VRK2: variants seen among roughly 807,000 people sequenced by gnomAD.
The protein encoded by VRK2 is VRK serine/threonine kinase 2.
A neutral mutation model predicts 57.6 loss-of-function variants in VRK2; 60 were observed. The observed-to-expected ratio is 1.04, with a 90% CI of 0.85 to 1.29. VRK2 has a LOEUF of 1.29. VRK2 is among the 50% of genes most tolerant of loss of function. The pLI is 0.00. For missense variants in VRK2, 705 were observed against 588.1 expected (o/e 1.20, Z -2.06); for synonymous variants, 231 against 199.2 (o/e 1.16, Z -1.35).
chr2:57,996,338 C>T (rs1165958154), intron 1 of VRK2, among the ~76,000 whole-genome samples: 5 of 152,194 alleles, frequency 3.3e-5, no homozygotes, highest in African/African-American at 4.8e-5. Context: ...AGACCATATT[C>T]TGAAAACTGA....
At chr2:57,935,400 T>C (rs1442191789) in intron 1 of VRK2, among the ~76,000 whole-genome samples, 1 of 152,190 alleles carries the variant, frequency 6.6e-6, no homozygotes, top group African/African-American at 2.4e-5. Context: ...AGCTTCCCAT[T>C]TGTTTTCTCT....
At chr2:58,002,101 G>A (rs138931678) in intron 1 of VRK2, among the ~76,000 whole-genome samples, 73 of 152,274 alleles carry the variant, frequency 4.8e-4, no homozygotes, top group African/African-American at 1.7e-3. Context: ...TAATGAATGA[G>A]TGCTGTGAAA....
At chr2:58,087,846 GT>G (rs1374639043) in intron 5 of VRK2, among the ~76,000 whole-genome samples, 3 of 152,128 alleles carry the variant, frequency 2.0e-5, no homozygotes, top group Non-Finnish European at 4.4e-5. Flanking sequence ...AATTAGCTGG[GT>G]GTGGTGGTGC....
intron 11 of VRK2, among the ~76,000 whole-genome samples, chr2:58,145,369 A>G (rs1191389976): frequency 6.7e-6 from 1 of 149,302 alleles, no homozygotes; most frequent in African/African-American, 2.4e-5. Flanking sequence ...CTACCTGCAC[A>G]AAAATGTAAG....
chr2:57,944,959 G>T (rs913639533), intron 1 of VRK2, among the ~76,000 whole-genome samples: 1 of 152,132 alleles, frequency 6.6e-6, no homozygotes, highest in Non-Finnish European at 1.5e-5. Flanking sequence ...AAAGAATCTT[G>T]TGAATTAGAC....
chr2:58,052,315 A>G (rs1198021193), intron 2 of VRK2, among the ~76,000 whole-genome samples: 1 of 152,312 alleles, frequency 6.6e-6, no homozygotes, highest in East Asian at 1.9e-4. Flanking sequence ...CATTCTTAAT[A>G]CTGGTGCCAT....
At chr2:57,924,264 C>A (rs1416895863) in intron 1 of VRK2, among the ~76,000 whole-genome samples, 1 of 151,930 alleles carries the variant, frequency 6.6e-6, no homozygotes, top group African/African-American at 2.4e-5. Flanking sequence ...TGAAGAAAGT[C>A]ATCGGTATTT....
intron 7 of VRK2, among the ~76,000 whole-genome samples, chr2:58,118,440 A>G (rs1312734276): frequency 1.3e-5 from 2 of 152,228 alleles, no homozygotes; most frequent in Non-Finnish European, 2.9e-5. Context: ...AAATGAAAGG[A>G]ATTGAAATTA....
In VRK2 at chr2:58,139,829, A is replaced by G. The variant is rs1370822968; in HGVS notation, c.1020A>G (p.Gln340=). ...TAAATGTCCATACTCCAAACAGTCA[A>G]AAAGTAAGTAACATAATCCCTGCTA... is the stretch of plus-strand genomic sequence containing the variant. ...QSINVHTPNS[Q]KVDSQKAATK... is the part of the protein sequence containing the mutation. Residue 340 remains glutamine (Q), a synonymous_variant, in exon 11 of 13, where the codon CAA becomes CAG. Coordinates refer to ENST00000340157, the MANE Select transcript of VRK2 (RefSeq NM_006296.7). 1.9e-6 allele frequency: 3 copies of G among 1,609,410 alleles called. No homozygotes were observed. The highest frequency in any genetic ancestry group is 2.5e-6 in the Non-Finnish European group (3 of 1,177,734).
At chr2:57,981,992 T>C (rs1460222985) in intron 1 of VRK2, among the ~76,000 whole-genome samples, 1 of 152,212 alleles carries the variant, frequency 6.6e-6, no homozygotes, top group Non-Finnish European at 1.5e-5. Flanking sequence ...CTTGCACTGG[T>C]TCCGTCTCAT....
chr2:57,960,635 A>G (rs1452233460), intron 1 of VRK2, among the ~76,000 whole-genome samples: 1 of 152,224 alleles, frequency 6.6e-6, no homozygotes, highest in Admixed American at 6.5e-5. Context: ...AGGTTCCAGA[A>G]CAGTGAACTC....
intron 1 of VRK2, among the ~76,000 whole-genome samples, chr2:57,964,902 A>AAC (rs1553368378): frequency 6.7e-6 from 1 of 149,716 alleles, no homozygotes; most frequent in East Asian, 1.9e-4. Context: ...AAAAAAAAAA[A>AAC]AAAAAACTGT....
chr2:57,956,533 CT>C (rs765602403), intron 1 of VRK2, among the ~76,000 whole-genome samples: 11 of 152,290 alleles, frequency 7.2e-5, no homozygotes, highest in South Asian at 2.1e-4. Context: ...AATTCTCTTA[CT>C]TTTTCTAGGT....
chr2:58,029,090 C>T (rs1006947944), intron 2 of VRK2, among the ~76,000 whole-genome samples: 1 of 151,438 alleles, frequency 6.6e-6, no homozygotes, highest in African/African-American at 2.4e-5. Flanking sequence ...AGAGGTCTAA[C>T]TGCAGTTCAG....
chr2:58,082,665 TC>T (rs1558611298), intron 2 of VRK2, among the ~76,000 whole-genome samples: 2 of 151,898 alleles, frequency 1.3e-5, no homozygotes, highest in South Asian at 4.1e-4. Context: ...AATCCACTCT[TC>T]CTGCAGTTTC....
chr2:58,014,065 C>A (rs1429255689), intron 1 of VRK2, among the ~76,000 whole-genome samples: 1 of 152,090 alleles, frequency 6.6e-6, no homozygotes, highest in African/African-American at 2.4e-5. Context: ...TCCACTTTCT[C>A]ACAGCAGGGA....
At position 58,084,880 on chromosome 2, in the gene VRK2, G is replaced by T; in HGVS notation, c.187-1G>T. On this transcript the variant is annotated splice_acceptor_variant, in intron 3 of 12. Coordinates refer to ENST00000340157, the MANE Select transcript of VRK2 (RefSeq NM_006296.7). LOFTEE classifies it high-confidence loss of function. ...AAAATTAATTATTCTTTTTTTTATA[G>T]GAATATCAAGAAAATGGCCCGTTAT... is the stretch of plus-strand genomic sequence containing the variant. 2.0e-6 allele frequency: 3 copies of T among 1,527,486 alleles called. No individual in the cohort carries two copies. The highest frequency in any genetic ancestry group is 2.7e-6 in the Non-Finnish European group (3 of 1,124,602). The allele number at this position is 1,527,486 out of a possible 1,614,324, so 94.6% of individuals were successfully genotyped here.
chr2:58,066,197 T>C (rs1489606930), intron 2 of VRK2, among the ~76,000 whole-genome samples: 1 of 152,186 alleles, frequency 6.6e-6, no homozygotes, highest in Non-Finnish European at 1.5e-5. Context: ...TTAGGGAGAA[T>C]GTATTCAGCT....
rs866227401 is a variant in VRK2 at position 58,159,523 on chromosome 2, T to C, written c.1357T>C (p.Tyr453His). The change falls in exon 13 of 13, where the codon TAC becomes CAC. Residue 453 changes from tyrosine (Y) to histidine (H), a missense_variant. Coordinates refer to ENST00000340157, the MANE Select transcript of VRK2 (RefSeq NM_006296.7). ...KKSRSPSWYK[Y>H]TSTVSTGITD... ...GTCAAGATCTCCATCTTGGTATAAA[T>C]ACACTTCCACAGTCAGCACGGGGAT... is the stretch of plus-strand genomic sequence containing the variant. The C allele has an allele frequency of 2.5e-6, 4 of 1,613,688 alleles. No individual in the cohort carries two copies. The highest frequency in any genetic ancestry group is 3.3e-5 in the Admixed American group (2 of 59,958).
Sources: gnomAD v4.1 joint callset for allele counts (sites outside exome capture counted in the v4.1 genomes callset) on GRCh38, gnomAD v4.1.1 for gene constraint, MANE v1.5 for transcripts, NCBI Gene and HGNC (gene_info 2026-07-23, HGNC 2026-07-21) for gene names.